COL16A1: variants seen among roughly 807,000 people sequenced by gnomAD.
COL16A1 encodes the protein collagen type XVI alpha 1 chain, also known as collagen alpha-1(XVI) chain.
COL16A1 carries 189 observed loss-of-function variants against 266.3 expected under a neutral mutation model. That is an observed-to-expected ratio of 0.71 (90% CI 0.63 to 0.80). The LOEUF is 0.80. COL16A1 is among the 30% of genes least tolerant of loss of function. The pLI is 0.00. For missense variants in COL16A1, 1,928 were observed against 2,122.4 expected (o/e 0.91, Z 1.80); for synonymous variants, 740 against 782.3 (o/e 0.95, Z 0.90).
chr1:31,692,766 C>A lies in COL16A1; in HGVS notation c.1113+1G>T. The A allele has an allele frequency of 6.2e-7, 1 of 1,613,868 alleles. No homozygotes were observed. Among genetic ancestry groups the A allele is most frequent in the Non-Finnish European group, 8.5e-7 (1 of 1,179,746 alleles). ...AAGCAGGCATCACCTCCAAGTCTTA[C>A]CTGAAGTGGGGCATCCGGGGAGATT... On this transcript the variant is annotated splice_donor_variant, in intron 14 of 70. Coordinates refer to ENST00000373672, the MANE Select transcript of COL16A1 (RefSeq NM_001856.4). LOFTEE classifies it high-confidence loss of function.
chr1:31,656,912 A>C lies in COL16A1; in HGVS notation c.4056+121T>G. On this transcript the variant is annotated intron_variant, in intron 65 of 70. Transcript: ENST00000373672. This position sits in a 1 kb window ranked among gnomAD's most constrained non-coding sequence, Gnocchi z 4.2. ...CTCTCCCCAGGACAACAGGGTTAACAATTTCCAGAGACAGCCCGTACATAG... is the reference window on the plus strand; with the variant it reads ...CTCTCCCCAGGACAACAGGGTTAACCATTTCCAGAGACAGCCCGTACATAG... 1 of 1,415,022 alleles carries C rather than the reference A, an allele frequency of 7.1e-7. No homozygotes were observed. The highest frequency in any genetic ancestry group is 9.9e-7 in the Non-Finnish European group (1 of 1,005,796). 87.7% of individuals were successfully genotyped at this position (1,415,022 alleles called of 1,614,324 possible). A position where few individuals can be genotyped will look rare whatever the true frequency, so the allele number is the denominator to read the frequency against.
chr1:31,703,764 G>A (rs981093987), intron 1 of COL16A1, 73 bp downstream of exon 1: 2 of 152,340 alleles, frequency 1.3e-5, no homozygotes, highest in Non-Finnish European at 2.9e-5. Flanking sequence ...CTTTCCTCAG[G>A]TCACACAGCA....
Position 31,674,997 on chromosome 1 carries a change from A to G in COL16A1, c.2859+10T>C, listed in dbSNP as rs1295231005. 5 of 1,611,730 alleles carry G rather than the reference A, an allele frequency of 3.1e-6. No homozygotes were observed. The South Asian group carries it at 5.5e-5, about 18-fold the overall frequency. Reference sequence around the variant, plus strand: ...GCCAGCTCACACTTCCCTCCTGGGTACCCTCTTACCTTAAGGAGGTGCTGT... The same window carrying G: ...GCCAGCTCACACTTCCCTCCTGGGTGCCCTCTTACCTTAAGGAGGTGCTGT... On this transcript the variant is annotated intron_variant, in intron 44 of 70. Coordinates refer to ENST00000373672, the MANE Select transcript of COL16A1 (RefSeq NM_001856.4).
At chr1:31,702,045 A>G in intron 2 of COL16A1, 76 bp downstream of exon 2, 1 of 1,601,862 alleles carries the variant, frequency 6.2e-7, no homozygotes, top group Non-Finnish European at 8.5e-7. Flanking sequence ...ACATGGTCAC[A>G]TATGTGCAAG....
chr1:31,654,521 TC>T (rs1640932663), intron 68 of COL16A1, among the ~76,000 whole-genome samples: 1 of 152,188 alleles, frequency 6.6e-6, no homozygotes, highest in Non-Finnish European at 1.5e-5. Context: ...TCAGGCAGAC[TC>T]GTTTAATACC....
At chr1:31,690,715 T>C in intron 20 of COL16A1, 142 bp from the exon 21 acceptor site, 1 of 1,381,502 alleles carries the variant, frequency 7.2e-7, no homozygotes. Context: ...ATTCGGTCGG[T>C]TCCTGTTGCC....
chr1:31,701,876 TGA>T (rs1644736679), intron 2 of COL16A1, among the ~76,000 whole-genome samples: 1 of 152,056 alleles, frequency 6.6e-6, no homozygotes, highest in Admixed American at 6.5e-5. Flanking sequence ...AAAGCCAGTC[TGA>T]GAGACAAACA....
At chr1:31,679,162 T>C (rs1643417772) in intron 42 of COL16A1, 1 of 412,818 alleles carries the variant, frequency 2.4e-6, no homozygotes, top group Non-Finnish European at 4.3e-6. Flanking sequence ...ACACACTATA[T>C]TTTATTTATT....
At position 31,694,788 on chromosome 1, in the gene COL16A1, G is replaced by C. The variant is rs569128046; in HGVS notation, c.981+398C>G. Among the ~76,000 whole-genome samples the C allele has an allele frequency of 2.0e-5, 3 of 152,326 alleles. No homozygotes were observed. In the South Asian group the frequency reaches 6.2e-4, roughly 32 times the overall value. On this transcript the variant is annotated intron_variant, in intron 11 of 70. Transcript: ENST00000373672. The stretch of plus-strand genomic sequence containing the variant: ...AGACAGCAGGCCCTGAACCAACGCT[G>C]TGGGAGCCCTTGCCGTGCTGAGCCA...
chr1:31,679,503 G>T, intron 42 of COL16A1, 129 bp downstream of exon 42: 1 of 1,613,850 alleles, frequency 6.2e-7, no homozygotes, highest in Non-Finnish European at 8.5e-7. Flanking sequence ...CAGGTAAACA[G>T]AGGAGTGAGA....
At position 31,664,891 on chromosome 1, in the gene COL16A1, C is replaced by T. The variant is rs1641994662; in HGVS notation, c.3555+281G>A. On this transcript the variant is annotated intron_variant, in intron 56 of 70. Transcript: ENST00000373672. The surrounding 1 kb of genome is among the most constrained non-coding windows in gnomAD (Gnocchi z 5.5). ...AGACCCCCTGCCTCCTCCCCACCTA[C>T]CTCCCTGCCTTTCCCCCCATCACAG... Among the ~76,000 whole-genome samples the T allele has an allele frequency of 2.0e-5, 3 of 152,312 alleles. No homozygotes were observed. Among genetic ancestry groups the T allele is most frequent in the South Asian group, 2.1e-4 (1 of 4,830 alleles).
intron 33 of COL16A1, 99 bp from the exon 34 acceptor site, chr1:31,683,847 C>T: frequency 6.2e-7 from 1 of 1,605,826 alleles, no homozygotes; most frequent in Non-Finnish European, 8.5e-7. Context: ...TGCCCTGCAC[C>T]CTGCCTCCAT....
intron 47 of COL16A1, 89 bp from the exon 48 acceptor site, chr1:31,671,748 G>A (rs999200957): frequency 3.9e-6 from 6 of 1,549,540 alleles, no homozygotes; most frequent in African/African-American, 2.7e-5. Context: ...AGCTTGCCAG[G>A]GCCAAGGTCA....
At chr1:31,682,863 G>C in intron 37 of COL16A1, 71 bp downstream of exon 37, 5 of 1,592,770 alleles carry the variant, frequency 3.1e-6, no homozygotes, top group Non-Finnish European at 4.3e-6. Flanking sequence ...GGTCAGCCCT[G>C]TGCCCTCTTC....
rs116034911 is a variant in COL16A1 at position 31,685,160 on chromosome 1, C to T, written c.2017-304G>A. 2.5e-3 allele frequency among the ~76,000 whole-genome samples: 376 copies of T among 152,280 alleles called. 3 individuals are homozygous for T. Among genetic ancestry groups the T allele is most frequent in the African/African-American group, 8.5e-3 (354 of 41,546 alleles). On this transcript the variant is annotated intron_variant, in intron 29 of 70. Coordinates refer to ENST00000373672, the MANE Select transcript of COL16A1 (RefSeq NM_001856.4). The surrounding 1 kb of genome is among the most constrained non-coding windows in gnomAD (Gnocchi z 4.0). Reference sequence around the variant, plus strand: ...TGTGAGGTTAGACAAGCTAATATGTCGTGTGCAGCAGTGCCTGGCACATAG... The same window carrying T: ...TGTGAGGTTAGACAAGCTAATATGTTGTGTGCAGCAGTGCCTGGCACATAG...
At chr1:31,677,537 G>A (rs4949460) in intron 42 of COL16A1, among the ~76,000 whole-genome samples, 70,438 of 152,202 alleles carry the variant, frequency 0.46, 17,837 homozygotes, top group South Asian at 0.59. Flanking sequence ...CTGCGGAAGC[G>A]AAGTGCAGCC....
At chr1:31,683,283 T>C (rs550547790) in intron 35 of COL16A1, 36 bp from the exon 36 acceptor site, 494 of 1,614,018 alleles carry the variant, frequency 3.1e-4, no homozygotes, top group Non-Finnish European at 3.6e-4. Flanking sequence ...ACCCATATCC[T>C]AGAATGGCCC....
chr1:31,691,721 C>T, intron 17 of COL16A1, 79 bp from the exon 18 acceptor site: 1 of 1,527,238 alleles, frequency 6.5e-7, no homozygotes, highest in Non-Finnish European at 8.9e-7. Context: ...GAATGCCCAC[C>T]TGTCCCACCC....
intron 20 of COL16A1, 35 bp from the exon 21 acceptor site, chr1:31,690,608 C>T: frequency 1.2e-6 from 2 of 1,610,692 alleles, no homozygotes; most frequent in Non-Finnish European, 1.7e-6. Flanking sequence ...GGGGAGCCTT[C>T]TGGCCAATGC....
Sources: gnomAD v4.1 joint callset for allele counts (sites outside exome capture counted in the v4.1 genomes callset) on GRCh38, gnomAD v4.1.1 for gene constraint, Gnocchi (gnomAD v3.1) non-coding constraint, MANE v1.5 for transcripts, NCBI Gene and HGNC (gene_info 2026-07-23, HGNC 2026-07-21) for gene names.